The following SUSD6 variants were observed in gnomAD, a reference collection of about 807,000 sequenced individuals.
SUSD6 encodes the protein sushi domain containing 6, also known as sushi domain-containing protein 6.
SUSD6 carries 16 observed loss-of-function variants against 28.4 expected under a neutral mutation model. The observed-to-expected ratio is 0.56, with a 90% CI of 0.38 to 0.86. The LOEUF (loss-of-function observed/expected upper bound fraction) is 0.86, where lower values mean the gene tolerates loss of function less well. Ranked by LOEUF, SUSD6 falls within the 40% of genes least tolerant of loss-of-function variation. The pLI is 0.00. For missense variants in SUSD6, 341 were observed against 384.2 expected (o/e 0.89, Z 0.94); for synonymous variants, 147 against 159.6 (o/e 0.92, Z 0.59).
chr14:69,693,459 T>C (rs935343701), intron 2 of SUSD6, among the ~76,000 whole-genome samples: 8 of 152,304 alleles, frequency 5.3e-5, no homozygotes, highest in African/African-American at 1.9e-4. Context: ...ATTACTGAAC[T>C]GGAACAAGGA....
In SUSD6 at chr14:69,704,645, A is replaced by G. The variant is rs759827064; in HGVS notation, c.361A>G (p.Ile121Val). 7.4e-6 allele frequency: 12 copies of G among 1,614,052 alleles called. No individual in the cohort carries two copies. Among genetic ancestry groups the G allele is most frequent in the Admixed American group, 6.7e-5 (4 of 60,006 alleles). ...ATCACTTGGGGTCCCCACGCTGTCTATAGTGGCTTCTACTGCCAGCTCCGT... is the reference window on the plus strand; with the variant it reads ...ATCACTTGGGGTCCCCACGCTGTCTGTAGTGGCTTCTACTGCCAGCTCCGT... ...HTSLGVPTLSIVASTASSVAL... is the reference protein window; with the variant it reads ...HTSLGVPTLSVVASTASSVAL... The change falls in exon 4 of 6, where the codon ATA becomes GTA. Residue 121 changes from isoleucine (I) to valine (V), a missense_variant. Transcript: ENST00000342745.
At chr14:69,699,005 T>G (rs985336291) in intron 2 of SUSD6, among the ~76,000 whole-genome samples, 9 of 152,218 alleles carry the variant, frequency 5.9e-5, no homozygotes, top group African/African-American at 2.2e-4. Flanking sequence ...AGAATGATCC[T>G]GGTGCACAGA....
intron 1 of SUSD6, among the ~76,000 whole-genome samples, chr14:69,625,039 G>A (rs1214645789): frequency 6.6e-6 from 1 of 152,188 alleles, no homozygotes; most frequent in Non-Finnish European, 1.5e-5. Flanking sequence ...AGATAGGTAT[G>A]TGTCTGACAA....
chr14:69,713,710 AC>A lies in SUSD6; in HGVS notation c.*2732del, dbSNP rs1192297141. On this transcript the variant is annotated 3_prime_UTR_variant, in exon 6 of 6. Transcript: ENST00000342745. ...TGGAAACAGGTGGAAGAAACCGGCC[AC>A]AGCCCTGCTTTACCGGGCTCACCTC... 1 of 152,234 alleles carries A rather than the reference AC, an allele frequency of 6.6e-6. No individual in the cohort carries two copies. Among genetic ancestry groups the A allele is most frequent in the African/African-American group, 2.4e-5 (1 of 41,442 alleles). 9.4% of individuals were successfully genotyped at this position (152,234 alleles called of 1,614,324 possible).
At chr14:69,702,718 T>G (rs952962118) in intron 2 of SUSD6, among the ~76,000 whole-genome samples, 6 of 152,356 alleles carry the variant, frequency 3.9e-5, no homozygotes, top group South Asian at 4.1e-4. Flanking sequence ...CCTCAGTGTC[T>G]TCTTCTTCAA....
intron 4 of SUSD6, among the ~76,000 whole-genome samples, chr14:69,707,429 C>CA (rs1886401864): frequency 6.6e-6 from 1 of 152,222 alleles, no homozygotes; most frequent in African/African-American, 2.4e-5. Flanking sequence ...TATACTCTCA[C>CA]AAATTTACTT....
At chr14:69,623,641 T>G (rs908493767) in intron 1 of SUSD6, among the ~76,000 whole-genome samples, 2 of 152,200 alleles carry the variant, frequency 1.3e-5, no homozygotes, top group African/African-American at 4.8e-5. Context: ...GAGGCATTGT[T>G]ACAGGAAATA....
intron 2 of SUSD6, chr14:69,670,424 A>G (rs1257160198): frequency 2.2e-6 from 1 of 456,704 alleles, no homozygotes; most frequent in East Asian, 6.9e-5. Flanking sequence ...ACACAGGAAT[A>G]CTCATTAGGG....
chr14:69,692,038 CAAA>C (rs200335924), intron 2 of SUSD6, among the ~76,000 whole-genome samples: 32 of 68,306 alleles, frequency 4.7e-4, no homozygotes, highest in African/African-American at 1.3e-3. Context: ...GACTCCGTCT[CAAA>C]AAAAAAAAAA....
intron 1 of SUSD6, among the ~76,000 whole-genome samples, chr14:69,646,232 C>G (rs552612092): frequency 9.2e-5 from 14 of 152,306 alleles, no homozygotes; most frequent in African/African-American, 3.1e-4. Flanking sequence ...CTCTCTGTCT[C>G]TCTCTTGACA....
chr14:69,711,805 T>C lies in SUSD6; in HGVS notation c.*826T>C, dbSNP rs1566609859. Reference sequence around the variant, plus strand: ...TAATATGCAAGTTCTCACTTCCTACTTCCAGCATCGGCCTTCCTGGCCTTG... The same window carrying C: ...TAATATGCAAGTTCTCACTTCCTACCTCCAGCATCGGCCTTCCTGGCCTTG... On this transcript the variant is annotated 3_prime_UTR_variant, in exon 6 of 6. Coordinates refer to ENST00000342745, the MANE Select transcript of SUSD6 (RefSeq NM_014734.4). 1 of 152,300 alleles carries C rather than the reference T, an allele frequency of 6.6e-6. No individual in the cohort carries two copies. Among genetic ancestry groups the C allele is most frequent in the Non-Finnish European group, 1.5e-5 (1 of 68,090 alleles). 9.4% of individuals were successfully genotyped at this position (152,300 alleles called of 1,614,324 possible). A position where few individuals can be genotyped will look rare whatever the true frequency, so the allele number is the denominator to read the frequency against.
At chr14:69,682,195 T>A (rs1039465683) in intron 2 of SUSD6, among the ~76,000 whole-genome samples, 4 of 152,086 alleles carry the variant, frequency 2.6e-5, no homozygotes, top group Non-Finnish European at 4.4e-5. Context: ...AATTTAGCCA[T>A]GCATAGTAAT....
chr14:69,647,417 G>A (rs1047211810), intron 1 of SUSD6, among the ~76,000 whole-genome samples: 1 of 152,068 alleles, frequency 6.6e-6, no homozygotes, highest in Non-Finnish European at 1.5e-5. Context: ...AGTGGGGGTG[G>A]GGTTGTCCAT....
At chr14:69,693,434 A>G (rs1332606260) in intron 2 of SUSD6, among the ~76,000 whole-genome samples, 2 of 152,114 alleles carry the variant, frequency 1.3e-5, no homozygotes, top group African/African-American at 4.8e-5. Flanking sequence ...CGGGAAGTGA[A>G]AAAGGAGCCG....
At position 69,677,267 on chromosome 14, in the gene SUSD6, C is replaced by T. The variant is rs141365716; in HGVS notation, c.121+18554C>T. 2.2e-3 allele frequency among the ~76,000 whole-genome samples: 342 copies of T among 152,288 alleles called. 2 individuals are homozygous for T. Among genetic ancestry groups the T allele is most frequent in the African/African-American group, 7.7e-3 (320 of 41,552 alleles). ...AGTTACTCATGTTACTCTGTTACGC[C>T]GGGCGTGGTGGCTTACGCCTGTAAT... On this transcript the variant is annotated intron_variant, in intron 2 of 5. Transcript: ENST00000342745.
chr14:69,703,532 C>G lies in SUSD6; in HGVS notation c.259C>G (p.Leu87Val). 6.2e-7 allele frequency: 1 copy of G among 1,614,204 alleles called. No homozygotes were observed. The highest frequency in any genetic ancestry group is 1.7e-5 in the Admixed American group (1 of 60,034). The stretch of plus-strand genomic sequence containing the variant: ...CATGTTGAAGGGCGATTACAAATAC[C>G]TGACGTGTAAGAATGGCGAGTGGAA... ...GYMLKGDYKYLTCKNGEWKPA... is the reference protein window; with the variant it reads ...GYMLKGDYKYVTCKNGEWKPA... The change falls in exon 3 of 6, where the codon CTG (leucine) becomes GTG (valine). Residue 87 changes from leucine (L) to valine (V), a missense_variant. By Grantham distance (32) the Leu-to-Val change is conservative (BLOSUM62 1). Transcript: ENST00000342745.
At chr14:69,697,151 G>T (rs1376828605) in intron 2 of SUSD6, among the ~76,000 whole-genome samples, 1 of 152,170 alleles carries the variant, frequency 6.6e-6, no homozygotes, top group Non-Finnish European at 1.5e-5. Flanking sequence ...CATGGCTATG[G>T]TGGGGGAGTG....
intron 2 of SUSD6, chr14:69,670,583 C>G: frequency 2.2e-6 from 1 of 448,316 alleles, no homozygotes; most frequent in Non-Finnish European, 4.5e-6. Context: ...GCCAGACACG[C>G]TGGTTTGAAT....
intron 2 of SUSD6, among the ~76,000 whole-genome samples, chr14:69,659,467 C>T (rs1028830385): frequency 1.3e-5 from 2 of 152,170 alleles, no homozygotes; most frequent in East Asian, 1.9e-4. Flanking sequence ...GTGAGCTGGA[C>T]GGGCCCTAGC....
Sources: gnomAD v4.1 joint callset for allele counts (sites outside exome capture counted in the v4.1 genomes callset) on GRCh38, gnomAD v4.1.1 for gene constraint, MANE v1.5 for transcripts, NCBI Gene and HGNC (gene_info 2026-07-23, HGNC 2026-07-21) for gene names.